The following CNTN1 variants were observed in gnomAD, a reference collection of about 807,000 sequenced individuals.
The protein encoded by CNTN1 is contactin-1.
A neutral mutation model predicts 126.4 loss-of-function variants in CNTN1; 38 were observed. That is an observed-to-expected ratio of 0.30 (90% CI 0.23 to 0.39). The LOEUF (loss-of-function observed/expected upper bound fraction) is 0.39, where lower values mean the gene tolerates loss of function less well. Ranked by LOEUF, CNTN1 falls within the 10% of genes least tolerant of loss-of-function variation. The pLI is 1.00. For synonymous variants in CNTN1, 413 were observed against 422.6 expected, an observed-to-expected ratio of 0.98 and a Z score of 0.28; for missense variants, 1,009 against 1,248.4, an observed-to-expected ratio of 0.81 and a Z score of 2.89.
intron 14 of CNTN1, among the ~76,000 whole-genome samples, chr12:40,954,138 T>C (rs10879417): frequency 0.46 from 70,573 of 151,816 alleles, 16,404 homozygotes; most frequent in Admixed American, 0.5. Context: ...ACTGAGTTCA[T>C]TTAATGAATA....
chr12:41,033,777 G>A (rs1008560843), intron 23 of CNTN1, among the ~76,000 whole-genome samples: 16 of 151,806 alleles, frequency 1.1e-4, no homozygotes, highest in African/African-American at 3.4e-4. Flanking sequence ...AGTGGCTCAC[G>A]CCTGTAATCC....
intron 1 of CNTN1, among the ~76,000 whole-genome samples, chr12:40,788,324 C>T (rs982794552): frequency 2.0e-5 from 3 of 152,112 alleles, no homozygotes; most frequent in Non-Finnish European, 4.4e-5. Flanking sequence ...TCAACACTTG[C>T]GAGCTTCATG....
chr12:40,702,470 G>A (rs1180518523), intron 1 of CNTN1, among the ~76,000 whole-genome samples: 2 of 152,026 alleles, frequency 1.3e-5, no homozygotes, highest in African/African-American at 2.4e-5. Flanking sequence ...TTGAGACAGC[G>A]TTTCGCTCTT....
chr12:40,906,690 T>TTTTTC (rs1592236877), intron 1 of CNTN1, among the ~76,000 whole-genome samples: 1 of 147,428 alleles, frequency 6.8e-6, no homozygotes, highest in African/African-American at 2.5e-5. Context: ...TTTTGTTTTT[T>TTTTTC]TTGAGATGGA....
intron 16 of CNTN1, among the ~76,000 whole-genome samples, chr12:40,983,104 A>G (rs891721344): frequency 6.6e-6 from 1 of 152,128 alleles, no homozygotes. Flanking sequence ...ATAAATAAAT[A>G]AGTAAATAGG....
intron 1 of CNTN1, among the ~76,000 whole-genome samples, chr12:40,718,719 A>T (rs966284057): frequency 2.6e-5 from 4 of 152,296 alleles, no homozygotes; most frequent in Admixed American, 6.5e-5. Flanking sequence ...AAAGATGAAG[A>T]AACTGAGGTC....
chr12:40,844,657 C>T (rs1392122206), intron 1 of CNTN1, among the ~76,000 whole-genome samples: 1 of 152,002 alleles, frequency 6.6e-6, no homozygotes, highest in Non-Finnish European at 1.5e-5. Context: ...TGTGACTAAC[C>T]CTTTAGTTTT....
chr12:41,035,117 T>C (rs1465792339), intron 23 of CNTN1, among the ~76,000 whole-genome samples: 2 of 152,178 alleles, frequency 1.3e-5, no homozygotes, highest in African/African-American at 4.8e-5. Flanking sequence ...TCCCTAAGGT[T>C]TCCATTAGCT....
Position 40,843,986 on chromosome 12 carries a change from CTT to C in CNTN1, c.-76-64368_-76-64367del, listed in dbSNP as rs1224274521. Among the ~76,000 whole-genome samples the C allele has an allele frequency of 2.0e-5, 3 of 150,878 alleles. No individual in the cohort carries two copies. The Admixed American group carries it at 2.0e-4, about 10-fold the overall frequency. On this transcript the variant is annotated intron_variant, in intron 1 of 23. Transcript: ENST00000551295. ...TTCACATAGATATATTTGGATGAGA[CTT>C]TTGCAGGAGTGCGTGAATGCCAATA...
chr12:40,995,518 G>A (rs549062243), intron 17 of CNTN1, among the ~76,000 whole-genome samples: 93 of 152,214 alleles, frequency 6.1e-4, no homozygotes, highest in Non-Finnish European at 1.2e-3. Flanking sequence ...TGCTCTAAAG[G>A]CACAGTTGTT....
chr12:40,918,749 G>A lies in CNTN1; in HGVS notation c.205G>A (p.Ala69Thr), dbSNP rs1178207429. Residue 69 changes from alanine to threonine, a missense_variant, in exon 4 of 24, where the codon GCC (alanine) becomes ACC (threonine). Transcript: ENST00000551295. ...GKVSLNCRAR[A>T]SPFPVYKWRM... ...AGTCTCACTCAACTGTAGGGCACGAGCCAGCCCTTTCCCGGTTTACAAGTA... is the reference window on the plus strand; with the variant it reads ...AGTCTCACTCAACTGTAGGGCACGAACCAGCCCTTTCCCGGTTTACAAGTA... The A allele has an allele frequency of 1.2e-6, 2 of 1,613,710 alleles. No individual in the cohort carries two copies. Among genetic ancestry groups the A allele is most frequent in the Admixed American group, 3.3e-5 (2 of 59,992 alleles).
At chr12:40,828,333 A>AAACTAGAAT (rs1565793417) in intron 1 of CNTN1, 2 of 152,178 alleles carry the variant, frequency 1.3e-5, no homozygotes, top group African/African-American at 4.8e-5. Context: ...TAGGTTAGGT[A>AAACTAGAAT]ATTGTAAACT....
At chr12:40,697,645 T>C (rs1005906073) in intron 1 of CNTN1, among the ~76,000 whole-genome samples, 1 of 152,204 alleles carries the variant, frequency 6.6e-6, no homozygotes, top group Non-Finnish European at 1.5e-5. Context: ...AAAAACAACA[T>C]GTGACGGTGC....
intron 23 of CNTN1, among the ~76,000 whole-genome samples, chr12:41,044,621 A>T (rs886556286): frequency 4.6e-5 from 7 of 152,132 alleles, no homozygotes; most frequent in African/African-American, 1.7e-4. Flanking sequence ...TTAGAATGTT[A>T]TACTGGGAGG....
At position 41,014,229 on chromosome 12, in the gene CNTN1, A is replaced by T; in HGVS notation, c.2115A>T (p.Ala705=). The T allele has an allele frequency of 1.9e-6, 3 of 1,613,896 alleles. No homozygotes were observed. Among genetic ancestry groups the T allele is most frequent in the African/African-American group, 2.7e-5 (2 of 75,038 alleles). The part of the protein sequence containing the change: ...PSNRIKTDGA[A]PNVAPSDVGG... ...CATATATTTGTTTGTTTGTTTCAGC[A>T]CCAAATGTGGCTCCTTCAGATGTAG... The change falls in exon 18 of 24, where the codon GCA becomes GCT. Residue 705 remains alanine (A), a splice_region_variant and synonymous_variant. Coordinates refer to ENST00000551295, the MANE Select transcript of CNTN1 (RefSeq NM_001843.4).
intron 1 of CNTN1, among the ~76,000 whole-genome samples, chr12:40,886,353 C>A (rs948194939): frequency 6.6e-6 from 1 of 152,136 alleles, no homozygotes; most frequent in Non-Finnish European, 1.5e-5. Context: ...TCTATCAAAT[C>A]CTGTGTGTTG....
At chr12:41,008,193 A>T (rs1269614896) in intron 17 of CNTN1, among the ~76,000 whole-genome samples, 1 of 152,190 alleles carries the variant, frequency 6.6e-6, no homozygotes, top group East Asian at 1.9e-4. Context: ...TTCTGTCTGC[A>T]GCACCATTTG....
chr12:40,917,206 T>A (rs1329618757), intron 3 of CNTN1, among the ~76,000 whole-genome samples: 2 of 152,046 alleles, frequency 1.3e-5, no homozygotes, highest in Non-Finnish European at 2.9e-5. Context: ...AGAAGCTTCA[T>A]GATTAGTTGA....
intron 1 of CNTN1, among the ~76,000 whole-genome samples, chr12:40,716,382 T>C (rs1457702575): frequency 1.3e-5 from 2 of 151,654 alleles, no homozygotes; most frequent in Non-Finnish European, 2.9e-5. Context: ...TTCTTTCTTC[T>C]TCCTCTTTTT....
Sources: allele counts gnomAD v4.1 joint callset (sites outside exome capture counted in the v4.1 genomes callset), GRCh38; gene constraint gnomAD v4.1.1; transcripts MANE v1.5; gene names NCBI Gene and HGNC (gene_info 2026-07-23, HGNC 2026-07-21).